The following HLCS variants were observed in gnomAD, a reference collection of about 807,000 sequenced individuals.
HLCS encodes holocarboxylase synthetase.
Under a neutral mutation model 75.0 loss-of-function variants are expected in HLCS, and 53 were observed. That is an observed-to-expected ratio of 0.71 (90% confidence interval 0.57 to 0.89). The LOEUF is 0.89. Ranked by LOEUF, HLCS falls within the 40% of genes least tolerant of loss-of-function variation. The pLI is 0.00. For missense variants in HLCS, 966 were observed against 1,074.0 expected, an observed-to-expected ratio of 0.90 and a Z score of 1.41; for synonymous variants, 431 against 428.6, an observed-to-expected ratio of 1.01 and a Z score of -0.07.
chr21:36,770,835 C>T (rs1269767390), intron 6 of HLCS, among the ~76,000 whole-genome samples: 1 of 152,100 alleles, frequency 6.6e-6, no homozygotes. Context: ...TGGAAAAAAG[C>T]ATATTTTTAC....
At chr21:36,771,738 CCTATAATCCCA>C (rs1476521425) in intron 6 of HLCS, among the ~76,000 whole-genome samples, 1 of 152,136 alleles carries the variant, frequency 6.6e-6, no homozygotes, top group Non-Finnish European at 1.5e-5. Context: ...GTGGCTCACG[CCTATAATCCCA>C]GCACTTTGGG....
At chr21:36,807,993 C>A (rs2061409027) in intron 6 of HLCS, among the ~76,000 whole-genome samples, 1 of 151,084 alleles carries the variant, frequency 6.6e-6, no homozygotes, top group Non-Finnish European at 1.5e-5. Flanking sequence ...AGGACTCTGG[C>A]AATAGCTAAA....
At chr21:36,848,080 G>A (rs910177374) in intron 6 of HLCS, among the ~76,000 whole-genome samples, 2 of 152,002 alleles carry the variant, frequency 1.3e-5, no homozygotes, top group African/African-American at 4.8e-5. Context: ...GCAAAGCGAC[G>A]AACATCCACA....
intron 6 of HLCS, among the ~76,000 whole-genome samples, chr21:36,866,428 A>G (rs2063558350): frequency 6.6e-6 from 1 of 152,236 alleles, no homozygotes; most frequent in Admixed American, 6.5e-5. Flanking sequence ...AGGTTAGTGT[A>G]CAATGTGGCG....
intron 6 of HLCS, among the ~76,000 whole-genome samples, chr21:36,894,312 A>G (rs2064920915): frequency 6.6e-6 from 1 of 152,188 alleles, no homozygotes. Flanking sequence ...CTTTATAGCA[A>G]TGCGAGAACG....
chr21:36,918,576 A>G (rs963393374), intron 5 of HLCS, among the ~76,000 whole-genome samples: 1 of 152,232 alleles, frequency 6.6e-6, no homozygotes, highest in African/African-American at 2.4e-5. Flanking sequence ...GAAAGCATAC[A>G]GAACAAAAAT....
chr21:36,938,492 A>T (rs191869565), intron 3 of HLCS, among the ~76,000 whole-genome samples: 3 of 152,304 alleles, frequency 2.0e-5, no homozygotes, highest in Non-Finnish European at 2.9e-5. Context: ...CCTTAAGCTA[A>T]TAACTTATAG....
At chr21:36,787,224 G>A (rs531861642) in intron 6 of HLCS, among the ~76,000 whole-genome samples, 3 of 152,322 alleles carry the variant, frequency 2.0e-5, no homozygotes, top group Non-Finnish European at 2.9e-5. Context: ...GTGCAGGTCC[G>A]GCTCAGTTTT....
intron 6 of HLCS, among the ~76,000 whole-genome samples, chr21:36,884,657 TATTG>T (rs1258292121): frequency 6.6e-6 from 1 of 152,242 alleles, no homozygotes. Context: ...TCACCCTCTT[TATTG>T]ATTATCTTTT....
At chr21:36,928,290 G>C (rs1279634187) in intron 5 of HLCS, among the ~76,000 whole-genome samples, 1 of 152,116 alleles carries the variant, frequency 6.6e-6, no homozygotes, top group Non-Finnish European at 1.5e-5. Context: ...TAAACATTAA[G>C]AGGCCGGGAG....
chr21:36,762,894 G>A (rs975387664), intron 8 of HLCS, among the ~76,000 whole-genome samples: 1 of 152,220 alleles, frequency 6.6e-6, no homozygotes, highest in Non-Finnish European at 1.5e-5. Flanking sequence ...GGGGCTCCAA[G>A]GTCAAAGTCA....
At chr21:36,966,969 A>C (rs1158101381), upstream of HLCS, among the ~76,000 whole-genome samples, 3 of 142,278 alleles carry the variant, frequency 2.1e-5, no homozygotes, top group Admixed American at 2.1e-4. Context: ...AGGGGGCTCG[A>C]GGGAGTGGAG....
chr21:36,911,936 T>C (rs956235258), intron 5 of HLCS, among the ~76,000 whole-genome samples: 15 of 151,418 alleles, frequency 9.9e-5, no homozygotes, highest in Non-Finnish European at 1.9e-4. Flanking sequence ...CCAGGCGTGG[T>C]GGTGAGCACC....
At chr21:36,868,886 G>A (rs920515608) in intron 6 of HLCS, among the ~76,000 whole-genome samples, 4 of 152,076 alleles carry the variant, frequency 2.6e-5, no homozygotes, top group African/African-American at 9.7e-5. Context: ...TCCAGGAGAC[G>A]AAGTGAAGGC....
chr21:36,889,542 C>A (rs976259468), intron 6 of HLCS, among the ~76,000 whole-genome samples: 2 of 152,218 alleles, frequency 1.3e-5, no homozygotes, highest in Non-Finnish European at 2.9e-5. Flanking sequence ...GTGCCACACA[C>A]CCACTACGTC....
intron 2 of HLCS, among the ~76,000 whole-genome samples, chr21:36,956,808 C>T (rs1276914514): frequency 2.6e-5 from 4 of 151,980 alleles, no homozygotes; most frequent in East Asian, 3.9e-4. Context: ...CACAGCACTT[C>T]GGGAGGCTGA....
At chr21:36,864,905 C>T (rs1023433179) in intron 6 of HLCS, among the ~76,000 whole-genome samples, 3 of 152,164 alleles carry the variant, frequency 2.0e-5, no homozygotes, top group African/African-American at 7.2e-5. Flanking sequence ...CAATGCTGCT[C>T]AATTCTTTAA....
In HLCS at chr21:36,979,894, A is replaced by G. The variant is rs2146734827; in HGVS notation, c.-393+10264T>C. The stretch of plus-strand genomic sequence containing the variant: ...ACATGGTGAAACCACATCTCTACAA[A>G]AGTAAAGAAAATTAGCCAGGCATGG... On this transcript the variant is annotated intron_variant, in intron 1 of 11. Coordinates refer to the HLCS transcript ENST00000336648. Among the ~76,000 whole-genome samples the G allele has an allele frequency of 2.0e-5, 3 of 151,938 alleles. No homozygotes were observed. The South Asian group carries it at 6.3e-4, about 32-fold the overall frequency.
At position 36,936,756 on chromosome 21, in the gene HLCS, T is replaced by G; in HGVS notation, c.1130A>C (p.Tyr377Ser). Residue 377 changes from tyrosine to serine, a missense_variant, in exon 4 of 11, where the codon TAC (tyrosine) becomes TCC (serine). Coordinates refer to ENST00000674895, the MANE Select transcript of HLCS (RefSeq NM_001352514.2). ...AGAAAGATAGGCCATGAACTTCTGG[T>G]ACAGGTCTTCGGGAATGGACTCCCT... ...ATRESIPEDL[Y>S]QKFMAYLSQG... is the part of the protein sequence containing the mutation. 6.2e-7 allele frequency: 1 copy of G among 1,614,168 alleles called. No homozygotes were observed. The highest frequency in any genetic ancestry group is 8.5e-7 in the Non-Finnish European group (1 of 1,180,036).
Sources: allele counts gnomAD v4.1 joint callset (sites outside exome capture counted in the v4.1 genomes callset), GRCh38; gene constraint gnomAD v4.1.1; transcripts MANE v1.5; gene names NCBI Gene and HGNC (gene_info 2026-07-23, HGNC 2026-07-21).